The following RPRD1B variants were observed in gnomAD, a reference collection of about 807,000 sequenced individuals.
RPRD1B encodes the protein regulation of nuclear pre-mRNA domain containing 1B, also known as regulation of nuclear pre-mRNA domain-containing protein 1B.
In RPRD1B, 11 loss-of-function variants were observed where a neutral mutation model predicts 41.5. The observed-to-expected ratio is 0.27, with a 90% CI of 0.17 to 0.44. The LOEUF (loss-of-function observed/expected upper bound fraction) is 0.44, where lower values mean the gene tolerates loss of function less well. RPRD1B is among the 20% of genes least tolerant of loss of function. RPRD1B has a pLI of 1.00. For missense variants in RPRD1B, 248 were observed against 389.9 expected (o/e 0.64, Z 3.06); for synonymous variants, 158 against 155.6 (o/e 1.02, Z -0.12).
At chr20:38,043,317 G>A (rs548378118) in intron 2 of RPRD1B, among the ~76,000 whole-genome samples, 1 of 152,316 alleles carries the variant, frequency 6.6e-6, no homozygotes, top group South Asian at 2.1e-4. Flanking sequence ...GGCTGGTGTG[G>A]TTAGAATATA....
chr20:38,091,011 G>A lies in RPRD1B; in HGVS notation c.*1136G>A. 1.0e-6 allele frequency: 1 copy of A among 985,544 alleles called. No individual in the cohort carries two copies. Among genetic ancestry groups the A allele is most frequent in the Non-Finnish European group, 1.2e-6 (1 of 829,880 alleles). 61.0% of individuals were successfully genotyped at this position (985,544 alleles called of 1,614,324 possible). A position where few individuals can be genotyped will look rare whatever the true frequency, so the allele number is the denominator to read the frequency against. On this transcript the variant is annotated 3_prime_UTR_variant, in exon 7 of 7. Transcript: ENST00000373433. Reference sequence around the variant, plus strand: ...CGGGGAGTTGGGGATATTAATTGGGGGTTTTAATTCTATTATCATGTCAGC... The same window carrying A: ...CGGGGAGTTGGGGATATTAATTGGGAGTTTTAATTCTATTATCATGTCAGC...
At chr20:38,066,041 T>C (rs2122736802) in intron 5 of RPRD1B, 40 bp from the exon 6 acceptor site, 1 of 1,597,304 alleles carries the variant, frequency 6.3e-7, no homozygotes, top group South Asian at 1.1e-5. Context: ...CCTGTGTGAT[T>C]TGTATATTTT....
At chr20:38,077,037 C>A (rs2074469245) in intron 6 of RPRD1B, among the ~76,000 whole-genome samples, 1 of 149,998 alleles carries the variant, frequency 6.7e-6, no homozygotes, top group Non-Finnish European at 1.5e-5. Flanking sequence ...TCTGCCTCAG[C>A]CTCCTGAGTA....
At position 38,034,159 on chromosome 20, in the gene RPRD1B, C is replaced by G. The variant is rs1349843612; in HGVS notation, c.151+61C>G. 1.9e-6 allele frequency: 3 copies of G among 1,548,378 alleles called. No homozygotes were observed. The African/African-American group carries it at 4.1e-5, about 21-fold the overall frequency. ...GGATTGTCCTCTCGCCCACATACAA[C>G]CTAGGCCCCTCTAAGCCTCTTCATT... is the stretch of plus-strand genomic sequence containing the variant. On this transcript the variant is annotated intron_variant, in intron 1 of 6. Transcript: ENST00000373433.
At chr20:38,062,278 C>T (rs1279109456) in intron 5 of RPRD1B, among the ~76,000 whole-genome samples, 1 of 152,186 alleles carries the variant, frequency 6.6e-6, no homozygotes. Flanking sequence ...TTGACCTCTT[C>T]ATATTAGCCC....
chr20:38,089,755 C>T lies in RPRD1B; in HGVS notation c.861C>T (p.Thr287=). ...EEYKQKLARV[T]QVRKELKSHI... ...ACAAACAGAAGCTTGCACGAGTAAC[C>T]CAGGTCCGCAAGGAACTGAAATCCC... Residue 287 remains threonine, a synonymous_variant, in exon 7 of 7, where the codon ACC becomes ACT. Coordinates refer to ENST00000373433, the MANE Select transcript of RPRD1B (RefSeq NM_021215.4). 1.2e-6 allele frequency: 2 copies of T among 1,614,104 alleles called. No individual in the cohort carries two copies. The highest frequency in any genetic ancestry group is 1.6e-4 in the Middle Eastern group (1 of 6,062).
chr20:38,050,404 G>A (rs559918615), intron 3 of RPRD1B, among the ~76,000 whole-genome samples: 24 of 152,294 alleles, frequency 1.6e-4, no homozygotes, highest in Non-Finnish European at 2.8e-4. Context: ...GGATTCTGGT[G>A]TTTTTATTGT....
At chr20:38,064,545 A>G (rs2074333421) in intron 5 of RPRD1B, among the ~76,000 whole-genome samples, 1 of 152,184 alleles carries the variant, frequency 6.6e-6, no homozygotes, top group African/African-American at 2.4e-5. Context: ...AATGAGTTAT[A>G]CATATTTAAA....
intron 1 of RPRD1B, among the ~76,000 whole-genome samples, chr20:38,035,836 C>G (rs1042656417): frequency 6.6e-6 from 1 of 151,546 alleles, no homozygotes; most frequent in African/African-American, 2.4e-5. Context: ...GCGATCTCAG[C>G]TCACTGCAAG....
intron 6 of RPRD1B, among the ~76,000 whole-genome samples, chr20:38,071,992 T>A (rs1394475599): frequency 1.3e-5 from 2 of 152,182 alleles, no homozygotes; most frequent in African/African-American, 2.4e-5. Flanking sequence ...GGTAATATCC[T>A]TTGATGTGCA....
At chr20:38,077,600 G>T (rs922354354) in intron 6 of RPRD1B, among the ~76,000 whole-genome samples, 1 of 152,108 alleles carries the variant, frequency 6.6e-6, no homozygotes, top group Non-Finnish European at 1.5e-5. Context: ...AGCTGAGTAG[G>T]TGCTACGCCA....
chr20:38,091,044 ATG>A lies in RPRD1B; in HGVS notation c.*1170_*1171del. 1 of 985,780 alleles carries A rather than the reference ATG, an allele frequency of 1.0e-6. No individual in the cohort carries two copies. The highest frequency in any genetic ancestry group is 1.2e-6 in the Non-Finnish European group (1 of 829,886). 61.1% of individuals were successfully genotyped at this position (985,780 alleles called of 1,614,324 possible). A position where few individuals can be genotyped will look rare whatever the true frequency, so the allele number is the denominator to read the frequency against. On this transcript the variant is annotated 3_prime_UTR_variant, in exon 7 of 7. Coordinates refer to ENST00000373433, the MANE Select transcript of RPRD1B (RefSeq NM_021215.4). The stretch of plus-strand genomic sequence containing the variant: ...TTCTATTATCATGTCAGCTGACATT[ATG>A]ACTATATAATGTAGTTAGAGACAAT...
intron 6 of RPRD1B, chr20:38,070,620 T>A: frequency 1.0e-6 from 1 of 985,440 alleles, no homozygotes; most frequent in South Asian, 4.7e-5. Context: ...TACAGACATG[T>A]TCTGTTAGCA....
intron 2 of RPRD1B, among the ~76,000 whole-genome samples, chr20:38,043,582 T>C (rs996929888): frequency 2.0e-5 from 3 of 152,164 alleles, no homozygotes; most frequent in African/African-American, 7.2e-5. Context: ...TGGAGGATAT[T>C]GCTGTGATGC....
chr20:38,049,789 A>G (rs1161230278), intron 3 of RPRD1B: 3 of 471,132 alleles, frequency 6.4e-6, no homozygotes, highest in South Asian at 4.6e-5. Context: ...GCCTGCATAC[A>G]TGTTTCCTGG....
At chr20:38,038,786 C>G (rs2074033213) in intron 1 of RPRD1B, among the ~76,000 whole-genome samples, 1 of 152,230 alleles carries the variant, frequency 6.6e-6, no homozygotes, top group South Asian at 2.1e-4. Flanking sequence ...GCGTGAGCCA[C>G]TGTGCCCAGC....
At chr20:38,089,015 G>T (rs944761756) in intron 6 of RPRD1B, among the ~76,000 whole-genome samples, 1 of 152,188 alleles carries the variant, frequency 6.6e-6, no homozygotes, top group Non-Finnish European at 1.5e-5. Context: ...GTGAGGCAGG[G>T]GCTGATTTTG....
intron 2 of RPRD1B, among the ~76,000 whole-genome samples, chr20:38,046,235 G>C (rs975740288): frequency 6.6e-6 from 1 of 152,162 alleles, no homozygotes; most frequent in Non-Finnish European, 1.5e-5. Flanking sequence ...TCGAGCCCTA[G>C]AGGTCAGGAC....
chr20:38,091,049 T>C lies in RPRD1B; in HGVS notation c.*1174T>C. 1 of 982,822 alleles carries C rather than the reference T, an allele frequency of 1.0e-6. No individual in the cohort carries two copies. Among genetic ancestry groups the C allele is most frequent in the Non-Finnish European group, 1.2e-6 (1 of 827,180 alleles). 60.9% of individuals were successfully genotyped at this position (982,822 alleles called of 1,614,324 possible). On this transcript the variant is annotated 3_prime_UTR_variant, in exon 7 of 7. Transcript: ENST00000373433. ...TTATCATGTCAGCTGACATTATGACTATATAATGTAGTTAGAGACAATTTT... is the reference window on the plus strand; with the variant it reads ...TTATCATGTCAGCTGACATTATGACCATATAATGTAGTTAGAGACAATTTT...
Sources: allele counts gnomAD v4.1 joint callset (sites outside exome capture counted in the v4.1 genomes callset), GRCh38; gene constraint gnomAD v4.1.1; transcripts MANE v1.5; gene names NCBI Gene and HGNC (gene_info 2026-07-23, HGNC 2026-07-21).